WSCD2: variants seen among roughly 807,000 people sequenced by gnomAD.
WSCD2 encodes the protein WSC domain sialate O sulfotransferase 2.
A neutral mutation model predicts 55.7 loss-of-function variants in WSCD2; 28 were observed. The ratio of observed to expected loss-of-function variants is 0.50; its 90% confidence interval spans 0.37 to 0.69. WSCD2 has a LOEUF of 0.69. Ranked by LOEUF, WSCD2 falls within the 30% of genes least tolerant of loss-of-function variation. The pLI, the probability that WSCD2 is intolerant of heterozygous loss-of-function variation, is 0.00. For synonymous variants in WSCD2, 301 were observed against 301.9 expected (o/e 1.00, Z 0.03); for missense variants, 616 against 762.1 (o/e 0.81, Z 2.26).
intron 1 of WSCD2, among the ~76,000 whole-genome samples, chr12:108,144,748 T>C (rs1030245548): frequency 5.9e-5 from 9 of 152,206 alleles, no homozygotes; most frequent in South Asian, 2.1e-4. Context: ...ATGCCTCTTA[T>C]TGTGAGTGAG....
At position 108,210,060 on chromosome 12, in the gene WSCD2, G is replaced by GA. The variant is rs1312499657; in HGVS notation, c.498-61_498-60insA. 1.2e-5 allele frequency: 20 copies of GA among 1,607,502 alleles called. No homozygotes were observed. The highest frequency in any genetic ancestry group is 1.7e-5 in the Non-Finnish European group (20 of 1,175,640). Reference sequence around the variant, plus strand: ...CCCATCCCCCAGGTCTCCATGTTGTGTCTCCCTGCCTCGGGGTCTCCATGG... The same window carrying GA: ...CCCATCCCCCAGGTCTCCATGTTGTGATCTCCCTGCCTCGGGGTCTCCATGG... On this transcript the variant is annotated intron_variant, in intron 3 of 8. Coordinates refer to ENST00000547525, the MANE Select transcript of WSCD2 (RefSeq NM_014653.4). The surrounding 1 kb of genome is among the most constrained non-coding windows in gnomAD (Gnocchi z 4.3).
In WSCD2 at chr12:108,141,369, G is replaced by A. The variant is rs767035051; in HGVS notation, c.-552+11443G>A. On this transcript the variant is annotated intron_variant, in intron 1 of 8. Coordinates refer to ENST00000547525, the MANE Select transcript of WSCD2 (RefSeq NM_014653.4). ...TCCTGCCTTGGCCTCCTGAGTAGCT[G>A]GGACTACAGATGGCCACCACCATCC... Among the ~76,000 whole-genome samples, 83 of 152,200 alleles carry A rather than the reference G, an allele frequency of 5.5e-4. 1 individual carries two copies. The highest frequency in any genetic ancestry group is 9.7e-4 in the Non-Finnish European group (66 of 68,040).
At chr12:108,176,446 T>A (rs1474485734) in intron 1 of WSCD2, among the ~76,000 whole-genome samples, 1 of 152,234 alleles carries the variant, frequency 6.6e-6, no homozygotes, top group Non-Finnish European at 1.5e-5. Context: ...TCACTCGGCA[T>A]AATGCATGAT....
chr12:108,230,053 A>G (rs911779178), intron 6 of WSCD2, among the ~76,000 whole-genome samples: 4 of 152,144 alleles, frequency 2.6e-5, no homozygotes, highest in Admixed American at 2.0e-4. Flanking sequence ...GCAAGTTGCA[A>G]GCATCATTAT....
intron 6 of WSCD2, 105 bp downstream of exon 6, chr12:108,227,269 A>G (rs1277655619): frequency 7.3e-7 from 1 of 1,374,952 alleles, no homozygotes; most frequent in Non-Finnish European, 9.9e-7. Flanking sequence ...CAAGGAGAAA[A>G]CCATGCAAGC....
At position 108,227,230 on chromosome 12, in the gene WSCD2, C is replaced by G. The variant is rs1888205168; in HGVS notation, c.979+66C>G. The G allele has an allele frequency of 3.9e-6, 6 of 1,544,644 alleles. No homozygotes were observed. In the East Asian group the frequency reaches 1.1e-4, roughly 29 times the overall value. On this transcript the variant is annotated intron_variant, in intron 6 of 8. Coordinates refer to ENST00000547525, the MANE Select transcript of WSCD2 (RefSeq NM_014653.4). ...CAGTGGCTTCCCTCCCAGACGTGTTCCTGCCAGTCCATCCCACACAGCCTG... is the reference window on the plus strand; with the variant it reads ...CAGTGGCTTCCCTCCCAGACGTGTTGCTGCCAGTCCATCCCACACAGCCTG...
At chr12:108,172,909 C>T (rs1006376474) in intron 1 of WSCD2, among the ~76,000 whole-genome samples, 1 of 152,106 alleles carries the variant, frequency 6.6e-6, no homozygotes, top group African/African-American at 2.4e-5. Context: ...ATGCCCTAAT[C>T]TTAAATGGGA....
chr12:108,226,911 T>C, intron 5 of WSCD2, 79 bp from the exon 6 acceptor site: 3 of 1,480,520 alleles, frequency 2.0e-6, no homozygotes, highest in South Asian at 2.7e-5. Context: ...GAAATGCAAA[T>C]CCTGTTCTCC....
intron 8 of WSCD2, chr12:108,244,508 C>G (rs1474577769): frequency 1.4e-6 from 1 of 702,904 alleles, no homozygotes; most frequent in East Asian, 2.7e-5. Context: ...TATTGAGCAC[C>G]TTGCTTGTCC....
intron 1 of WSCD2, among the ~76,000 whole-genome samples, chr12:108,151,585 C>T (rs926064302): frequency 6.6e-5 from 10 of 152,294 alleles, no homozygotes; most frequent in South Asian, 2.1e-4. Context: ...GGAAGGGACT[C>T]GCCCAAGGTA....
At chr12:108,242,595 C>G (rs565592855) in intron 8 of WSCD2, among the ~76,000 whole-genome samples, 1 of 152,204 alleles carries the variant, frequency 6.6e-6, no homozygotes, top group South Asian at 2.1e-4. Flanking sequence ...CTGGGTGGAG[C>G]CTGGACATCA....
At chr12:108,160,257 CT>C (rs1878928684) in intron 1 of WSCD2, among the ~76,000 whole-genome samples, 1 of 152,306 alleles carries the variant, frequency 6.6e-6, no homozygotes, top group African/African-American at 2.4e-5. Flanking sequence ...ACAGAGCTTA[CT>C]TTAAATCCCA....
At chr12:108,132,066 G>T (rs1176288920) in intron 1 of WSCD2, among the ~76,000 whole-genome samples, 2 of 152,182 alleles carry the variant, frequency 1.3e-5, no homozygotes, top group Non-Finnish European at 2.9e-5. Flanking sequence ...ATGTGTGTGT[G>T]TGTGCCTGCG....
intron 5 of WSCD2, among the ~76,000 whole-genome samples, chr12:108,225,618 T>TG (rs35101067): frequency 0.69 from 105,040 of 151,962 alleles, 36,699 homozygotes; most frequent in East Asian, 0.87. Context: ...TTCAGAGCTT[T>TG]GGCACTGGAT....
intron 1 of WSCD2, among the ~76,000 whole-genome samples, chr12:108,141,756 T>A (rs553393459): frequency 6.6e-5 from 10 of 152,206 alleles, no homozygotes; most frequent in Admixed American, 5.2e-4. Context: ...GCTTTTGGGG[T>A]CGGGGAGCTG....
At chr12:108,174,758 G>A (rs991852001) in intron 1 of WSCD2, among the ~76,000 whole-genome samples, 2 of 152,182 alleles carry the variant, frequency 1.3e-5, no homozygotes, top group Admixed American at 1.3e-4. Context: ...AGGACTACAG[G>A]TGCATGCCAC....
intron 1 of WSCD2, among the ~76,000 whole-genome samples, chr12:108,147,560 A>AAT (rs1483621303): frequency 2.6e-5 from 4 of 152,154 alleles, no homozygotes; most frequent in Non-Finnish European, 4.4e-5. Context: ...CTACTCATTT[A>AAT]TTCTTCTAGA....
chr12:108,229,451 G>C (rs890279946), intron 6 of WSCD2, among the ~76,000 whole-genome samples: 1 of 152,122 alleles, frequency 6.6e-6, no homozygotes, highest in Non-Finnish European at 1.5e-5. Context: ...AGGCAATCTA[G>C]GTCCCAAGAC....
intron 3 of WSCD2, among the ~76,000 whole-genome samples, chr12:108,206,869 C>A (rs1054950440): frequency 6.6e-6 from 1 of 152,176 alleles, no homozygotes; most frequent in Non-Finnish European, 1.5e-5. Flanking sequence ...AAGAATTGCA[C>A]ACAACTTAGA....
Sources: allele counts gnomAD v4.1 joint callset (sites outside exome capture counted in the v4.1 genomes callset), GRCh38; gene constraint gnomAD v4.1.1; non-coding constraint Gnocchi (gnomAD v3.1); transcripts MANE v1.5; gene names NCBI Gene and HGNC (gene_info 2026-07-23, HGNC 2026-07-21).